The following NAALADL2 variants were observed in gnomAD, a reference collection of about 807,000 sequenced individuals.
NAALADL2 encodes inactive N-acetylated-alpha-linked acidic dipeptidase-like protein 2.
A neutral mutation model predicts 87.2 loss-of-function variants in NAALADL2; 76 were observed. The ratio of observed to expected loss-of-function variants is 0.87; its 90% CI spans 0.72 to 1.05. The LOEUF (loss-of-function observed/expected upper bound fraction) is 1.05. Ranked by LOEUF, NAALADL2 falls within the 50% of genes least tolerant of loss-of-function variation. The pLI is 0.00. For synonymous variants in NAALADL2, 354 were observed against 331.0 expected, an observed-to-expected ratio of 1.07 and a Z score of -0.75; for missense variants, 1,089 against 945.8, an observed-to-expected ratio of 1.15 and a Z score of -1.99.
chr3:175,221,026 A>G (rs1743276804), intron 2 of NAALADL2, among the ~76,000 whole-genome samples: 1 of 151,846 alleles, frequency 6.6e-6, no homozygotes, highest in African/African-American at 2.4e-5. Context: ...GTAAAACTCC[A>G]TCTCTACAAA....
At chr3:175,515,811 C>T (rs1731758938) in intron 9 of NAALADL2, among the ~76,000 whole-genome samples, 1 of 152,154 alleles carries the variant, frequency 6.6e-6, no homozygotes, top group East Asian at 1.9e-4. Flanking sequence ...TTTCCTCTCT[C>T]ATGAGACATA....
chr3:175,247,752 T>C (rs1481466852), intron 3 of NAALADL2, among the ~76,000 whole-genome samples: 2 of 152,194 alleles, frequency 1.3e-5, no homozygotes, highest in Non-Finnish European at 2.9e-5. Context: ...AGCACAACCC[T>C]TGTGCAACTG....
intron 9 of NAALADL2, among the ~76,000 whole-genome samples, chr3:175,572,160 C>T (rs548242953): frequency 1.3e-5 from 2 of 152,200 alleles, no homozygotes; most frequent in Non-Finnish European, 2.9e-5. Context: ...TCCCTGAAGC[C>T]TCCATCTTGG....
chr3:174,626,667 C>A (rs942767052), intron 2 of NAALADL2, among the ~76,000 whole-genome samples: 6 of 151,872 alleles, frequency 4.0e-5, no homozygotes, highest in African/African-American at 7.2e-5. Flanking sequence ...GCACCTTTAG[C>A]TAAAGAGTAT....
intron 10 of NAALADL2, among the ~76,000 whole-genome samples, chr3:175,611,477 A>G (rs1400278271): frequency 1.3e-5 from 2 of 152,054 alleles, no homozygotes; most frequent in Admixed American, 6.6e-5. Flanking sequence ...GGGCAGCAGG[A>G]AATTGGGTCC....
intron 2 of NAALADL2, among the ~76,000 whole-genome samples, chr3:175,166,504 A>G (rs1322249449): frequency 6.6e-6 from 1 of 152,094 alleles, no homozygotes; most frequent in African/African-American, 2.4e-5. Flanking sequence ...CAGCAGTTAG[A>G]ACTCTTGACA....
intron 2 of NAALADL2, among the ~76,000 whole-genome samples, chr3:175,136,330 T>C (rs184170437): frequency 6.6e-6 from 1 of 152,210 alleles, no homozygotes; most frequent in African/African-American, 2.4e-5. Context: ...GTTTCATGGA[T>C]ATTTGGTGTC....
intron 4 of NAALADL2, among the ~76,000 whole-genome samples, chr3:175,299,935 G>A (rs530883619): frequency 3.9e-5 from 6 of 152,256 alleles, no homozygotes; most frequent in African/African-American, 1.4e-4. Context: ...GTCATAAATA[G>A]CTTTTATTAT....
upstream of NAALADL2, among the ~76,000 whole-genome samples, chr3:174,858,842 A>G (rs1485828075): frequency 1.3e-5 from 2 of 151,848 alleles, no homozygotes; most frequent in Non-Finnish European, 2.9e-5. Context: ...TAGGAAACTG[A>G]GTCTCAAAGA....
At position 175,391,642 on chromosome 3, in the gene NAALADL2, G is replaced by C. The variant is rs985644697; in HGVS notation, c.1091-55587G>C. Among the ~76,000 whole-genome samples the C allele has an allele frequency of 3.9e-5, 6 of 152,182 alleles. No individual in the cohort carries two copies. In the South Asian group the frequency reaches 1.2e-3, roughly 32 times the overall value. Reference sequence around the variant, plus strand: ...AGAGGAGATCTCAGCTGAGGTAGAGGTTAAGTCATTGAATTCTTGACCTAA... The same window carrying C: ...AGAGGAGATCTCAGCTGAGGTAGAGCTTAAGTCATTGAATTCTTGACCTAA... On this transcript the variant is annotated intron_variant, in intron 5 of 13. Transcript: ENST00000454872.
At chr3:174,695,646 T>A (rs1476224497) in intron 2 of NAALADL2, among the ~76,000 whole-genome samples, 1 of 152,040 alleles carries the variant, frequency 6.6e-6, no homozygotes, top group Non-Finnish European at 1.5e-5. Flanking sequence ...GAGCATACAA[T>A]GCTGGAATAT....
intron 5 of NAALADL2, among the ~76,000 whole-genome samples, chr3:175,412,273 G>C (rs1028703271): frequency 6.6e-6 from 1 of 152,134 alleles, no homozygotes; most frequent in Non-Finnish European, 1.5e-5. Context: ...ACGTGCACGC[G>C]TATAGTTTGT....
At chr3:174,563,581 G>A (rs1391936887) in intron 2 of NAALADL2, among the ~76,000 whole-genome samples, 1 of 150,976 alleles carries the variant, frequency 6.6e-6, no homozygotes, top group Non-Finnish European at 1.5e-5. Context: ...AGTTAATGAT[G>A]TTTTACAAGT....
At chr3:175,015,702 A>G (rs995362217) in intron 1 of NAALADL2, among the ~76,000 whole-genome samples, 18 of 152,114 alleles carry the variant, frequency 1.2e-4, no homozygotes, top group Non-Finnish European at 8.8e-5. Flanking sequence ...TAAATTTTCT[A>G]ACTTTTGGTA....
intron 3 of NAALADL2, among the ~76,000 whole-genome samples, chr3:174,745,359 C>G (rs1414189099): frequency 6.6e-6 from 1 of 152,076 alleles, no homozygotes; most frequent in African/African-American, 2.4e-5. Context: ...CTGATAAATT[C>G]CTGGACACAT....
intron 2 of NAALADL2, among the ~76,000 whole-genome samples, chr3:175,102,997 C>T (rs6443284): frequency 0.63 from 94,901 of 151,270 alleles, 29,946 homozygotes; most frequent in African/African-American, 0.7. Flanking sequence ...TAGTCCCAGC[C>T]ACTTGGGAGG....
chr3:175,283,700 C>T (rs1754614045), intron 4 of NAALADL2, among the ~76,000 whole-genome samples: 1 of 152,136 alleles, frequency 6.6e-6, no homozygotes, highest in Non-Finnish European at 1.5e-5. Context: ...GGATGAGGGT[C>T]TGCACCTGAT....
intron 12 of NAALADL2, among the ~76,000 whole-genome samples, chr3:175,752,954 A>G (rs1371737001): frequency 6.6e-6 from 1 of 152,122 alleles, no homozygotes; most frequent in Non-Finnish European, 1.5e-5. Context: ...CCTTGAAGTT[A>G]TCTATACATT....
chr3:174,484,069 C>G (rs1717717158), intron 1 of NAALADL2, among the ~76,000 whole-genome samples: 2 of 152,012 alleles, frequency 1.3e-5, no homozygotes, highest in Admixed American at 1.3e-4. Flanking sequence ...ACGATTGTCA[C>G]AGACTGCAAA....
Sources: allele counts gnomAD v4.1 joint callset (sites outside exome capture counted in the v4.1 genomes callset), GRCh38; gene constraint gnomAD v4.1.1; transcripts MANE v1.5; gene names NCBI Gene and HGNC (gene_info 2026-07-23, HGNC 2026-07-21).